The following PLCB1 variants were observed in gnomAD, a reference collection of about 807,000 sequenced individuals.
PLCB1 encodes the protein phospholipase C beta 1.
PLCB1 carries 46 observed loss-of-function variants against 161.8 expected under a neutral mutation model. The observed-to-expected ratio is 0.28, with a 90% confidence interval of 0.22 to 0.36. The LOEUF (loss-of-function observed/expected upper bound fraction) is 0.36. Ranked by LOEUF, PLCB1 falls within the 10% of genes least tolerant of loss-of-function variation. PLCB1 has a pLI of 1.00. For synonymous variants in PLCB1, 517 were observed against 503.7 expected (o/e 1.03, Z -0.35); for missense variants, 1,016 against 1,472.5 (o/e 0.69, Z 5.07).
intron 31 of PLCB1, among the ~76,000 whole-genome samples, chr20:8,817,806 A>AT (rs1342857713): frequency 1.3e-5 from 2 of 152,206 alleles, no homozygotes; most frequent in African/African-American, 2.4e-5. Context: ...AGATTTTGGA[A>AT]TTATGAGAAA....
chr20:8,189,149 GT>G (rs2051938376), intron 2 of PLCB1, among the ~76,000 whole-genome samples: 1 of 151,216 alleles, frequency 6.6e-6, no homozygotes. Context: ...TTCTGTGTCT[GT>G]GCCAGACACA....
chr20:8,760,172 C>G (rs1042804350), intron 24 of PLCB1, among the ~76,000 whole-genome samples: 5 of 151,876 alleles, frequency 3.3e-5, no homozygotes, highest in Admixed American at 2.6e-4. Flanking sequence ...CCCAAAGTGC[C>G]GGGATTACAG....
At chr20:8,261,250 A>G (rs750951353) in intron 2 of PLCB1, among the ~76,000 whole-genome samples, 15 of 152,084 alleles carry the variant, frequency 9.9e-5, no homozygotes, top group Non-Finnish European at 1.9e-4. Flanking sequence ...AACGCCCCCA[A>G]TAAAACATTA....
intron 10 of PLCB1, among the ~76,000 whole-genome samples, chr20:8,694,764 T>G (rs1285295527): frequency 6.6e-6 from 1 of 152,254 alleles, no homozygotes. Context: ...TGTGTTGATA[T>G]AGTCAGTGAT....
chr20:8,163,623 A>C (rs1283602552), intron 2 of PLCB1, among the ~76,000 whole-genome samples: 6 of 152,200 alleles, frequency 3.9e-5, no homozygotes, highest in Non-Finnish European at 8.8e-5. Flanking sequence ...CCAGCATTTA[A>C]AAATCTGCAG....
rs750925750 is a variant in PLCB1 at position 8,430,438 on chromosome 20, G to A, written c.246+58988G>A. Among the ~76,000 whole-genome samples the A allele has an allele frequency of 1.4e-4, 22 of 152,298 alleles. 1 individual carries two copies. The highest frequency in any genetic ancestry group is 2.9e-4 in the Non-Finnish European group (20 of 68,018). ...GTTGGAAATAGCAGGCTAAGCTGAT[G>A]CATCAGGAGACTGCAGATCTCAGTG... On this transcript the variant is annotated intron_variant, in intron 3 of 31. Transcript: ENST00000338037.
intron 10 of PLCB1, among the ~76,000 whole-genome samples, chr20:8,687,619 A>G (rs1990389843): frequency 1.3e-5 from 2 of 152,206 alleles, no homozygotes; most frequent in African/African-American, 2.4e-5. Context: ...CTTCACTTAG[A>G]AAAATCGTCT....
intron 23 of PLCB1, among the ~76,000 whole-genome samples, chr20:8,749,996 G>A (rs1334913925): frequency 6.6e-6 from 1 of 151,892 alleles, no homozygotes; most frequent in East Asian, 1.9e-4. Flanking sequence ...CAGTCACTCT[G>A]ATGGCCATTA....
chr20:8,867,517 C>A (rs972799267), intron 31 of PLCB1, among the ~76,000 whole-genome samples: 1 of 152,190 alleles, frequency 6.6e-6, no homozygotes, highest in South Asian at 2.1e-4. Context: ...CTCTGAATGG[C>A]CTTTTATTTC....
chr20:8,854,362 T>C (rs1600096676), intron 31 of PLCB1, among the ~76,000 whole-genome samples: 1 of 152,080 alleles, frequency 6.6e-6, no homozygotes, highest in African/African-American at 2.4e-5. Context: ...CAACAGAGAG[T>C]TCTGTGATTT....
intron 2 of PLCB1, among the ~76,000 whole-genome samples, chr20:8,214,684 G>A (rs73082278): frequency 0.049 from 7,315 of 149,476 alleles, 242 homozygotes; most frequent in Middle Eastern, 0.08. Flanking sequence ...TAGAACTAAT[G>A]TCTTTTATTT....
intron 3 of PLCB1, among the ~76,000 whole-genome samples, chr20:8,443,599 T>TAA (rs1405202640): frequency 1.3e-5 from 2 of 152,200 alleles, no homozygotes; most frequent in African/African-American, 4.8e-5. Context: ...GAAAGCTGCA[T>TAA]TATTCTGGCT....
At chr20:8,757,865 G>GAATAAATAAATAAATA (rs147856693) in intron 24 of PLCB1, among the ~76,000 whole-genome samples, 33 of 148,864 alleles carry the variant, frequency 2.2e-4, no homozygotes, top group African/African-American at 7.9e-4. Context: ...ATGAATAAAT[G>GAATAAATAAATAAATA]AATAAATAAA....
chr20:8,459,740 A>G (rs1981487744), intron 3 of PLCB1, among the ~76,000 whole-genome samples: 1 of 152,110 alleles, frequency 6.6e-6, no homozygotes, highest in African/African-American at 2.4e-5. Flanking sequence ...AGGCCATGAC[A>G]TTTTTCCCTT....
At chr20:8,548,024 T>G (rs769940351) in intron 3 of PLCB1, among the ~76,000 whole-genome samples, 1 of 152,034 alleles carries the variant, frequency 6.6e-6, no homozygotes, top group East Asian at 1.9e-4. Flanking sequence ...CAGAGAAGCC[T>G]TCCTCACCAC....
intron 2 of PLCB1, among the ~76,000 whole-genome samples, chr20:8,235,242 A>G (rs1980260755): frequency 1.3e-5 from 2 of 152,176 alleles, no homozygotes; most frequent in Admixed American, 1.3e-4. Context: ...TTTACTAGTA[A>G]TTCACATAAA....
chr20:8,238,871 G>GGT (rs1555792220), intron 2 of PLCB1, among the ~76,000 whole-genome samples: 9 of 151,632 alleles, frequency 5.9e-5, no homozygotes, highest in Non-Finnish European at 8.8e-5. Flanking sequence ...GTGGCTGGGG[G>GGT]GAAGACATCA....
At chr20:8,231,411 G>A (rs1365549161) in intron 2 of PLCB1, among the ~76,000 whole-genome samples, 2 of 152,100 alleles carry the variant, frequency 1.3e-5, no homozygotes, top group African/African-American at 4.8e-5. Flanking sequence ...AATGTTCCCT[G>A]GGGAGCAAAA....
chr20:8,820,320 GA>G (rs1291708766), intron 31 of PLCB1, among the ~76,000 whole-genome samples: 1 of 151,354 alleles, frequency 6.6e-6, no homozygotes, highest in African/African-American at 2.4e-5. Flanking sequence ...GAAAAATGTG[GA>G]AAAACTCAAA....
Sources: allele counts gnomAD v4.1 joint callset (sites outside exome capture counted in the v4.1 genomes callset), GRCh38; gene constraint gnomAD v4.1.1; transcripts MANE v1.5; gene names NCBI Gene and HGNC (gene_info 2026-07-23, HGNC 2026-07-21).